Variants in ABTB3 observed in about 807,000 individuals in gnomAD.
The protein encoded by ABTB3 is ankyrin repeat and BTB domain containing 3.
chr12:107,654,815 TACACACACACACACACACACACACACAC>T, the ABTB3 span, among the ~76,000 whole-genome samples: 1 of 141,218 alleles, frequency 7.1e-6, no homozygotes, highest in Non-Finnish European at 1.5e-5. Context: ...CTACATTGTA[TACACACACACACACACACACACACACAC>T]ACACACACAC....
chr12:107,377,414 A>AGTGTGTGT, the ABTB3 span, among the ~76,000 whole-genome samples: 4,637 of 146,556 alleles, frequency 0.032, 108 homozygotes, highest in Middle Eastern at 0.11. Context: ...AGAGAGCAAG[A>AGTGTGTGT]GTGTGTGTGT....
the ABTB3 span, among the ~76,000 whole-genome samples, chr12:107,444,953 G>A: frequency 1.3e-5 from 2 of 152,116 alleles, no homozygotes; most frequent in South Asian, 2.1e-4. Context: ...TGTGATATGC[G>A]GCGGGGCCAG....
the ABTB3 span, among the ~76,000 whole-genome samples, chr12:107,420,785 C>A: frequency 2.3e-4 from 35 of 152,320 alleles, no homozygotes; most frequent in South Asian, 7.3e-3. Context: ...CCTTCAGAAG[C>A]TTTTCTGCAC....
At chr12:107,516,228 CT>C in the ABTB3 span, among the ~76,000 whole-genome samples, 41,979 of 148,410 alleles carry the variant, frequency 0.28, 6,448 homozygotes, top group African/African-American at 0.39. Context: ...ATCCATTATT[CT>C]TTTTTTTTTT....
chr12:107,420,867 C>T, the ABTB3 span, among the ~76,000 whole-genome samples: 3 of 152,196 alleles, frequency 2.0e-5, no homozygotes, highest in African/African-American at 7.2e-5. Flanking sequence ...CCCACTGCTT[C>T]CTTCTGTCTC....
At chr12:107,344,840 A>C in the ABTB3 span, among the ~76,000 whole-genome samples, 1 of 152,248 alleles carries the variant, frequency 6.6e-6, no homozygotes, top group Non-Finnish European at 1.5e-5. Flanking sequence ...ATATTTCTGT[A>C]GGTTTTAATA....
the ABTB3 span, among the ~76,000 whole-genome samples, chr12:107,433,254 C>T: frequency 5.6e-5 from 7 of 126,020 alleles, no homozygotes; most frequent in South Asian, 2.4e-4. Flanking sequence ...TGCGCCACTG[C>T]AGTCCGCAGT....
the ABTB3 span, among the ~76,000 whole-genome samples, chr12:107,343,102 C>A: frequency 1.8e-4 from 27 of 152,200 alleles, no homozygotes; most frequent in Non-Finnish European, 3.2e-4. Flanking sequence ...GCAGCCTCGA[C>A]CCCCCAGGCC....
chr12:107,610,236 A>G, the ABTB3 span: 4 of 1,614,058 alleles, frequency 2.5e-6, no homozygotes, highest in African/African-American at 5.3e-5. Context: ...TGCGGTGGCC[A>G]TCGAAGCCAA....
At chr12:107,376,690 G>A in the ABTB3 span, among the ~76,000 whole-genome samples, 1 of 152,270 alleles carries the variant, frequency 6.6e-6, no homozygotes, top group African/African-American at 2.4e-5. Context: ...CGAGAAACAA[G>A]TACTACTGCT....
At chr12:107,551,755 C>CTT in the ABTB3 span, among the ~76,000 whole-genome samples, 472 of 146,140 alleles carry the variant, frequency 3.2e-3, 6 homozygotes, top group East Asian at 0.041. Flanking sequence ...TTATAATCTT[C>CTT]TTTTTTTTTT....
chr12:107,390,565 G>A, the ABTB3 span, among the ~76,000 whole-genome samples: 1 of 152,206 alleles, frequency 6.6e-6, no homozygotes, highest in Non-Finnish European at 1.5e-5. Context: ...AGGAGGCAGT[G>A]TCAGTACTGG....
chr12:107,333,211 G>A, the ABTB3 span, among the ~76,000 whole-genome samples: 1 of 152,210 alleles, frequency 6.6e-6, no homozygotes, highest in Non-Finnish European at 1.5e-5. Context: ...CCTATGTTCT[G>A]GAGGAGGGTC....
At chr12:107,620,678 G>GC in the ABTB3 span, among the ~76,000 whole-genome samples, 4 of 152,084 alleles carry the variant, frequency 2.6e-5, no homozygotes, top group African/African-American at 9.7e-5. Flanking sequence ...GAAAAGCCAG[G>GC]CCCTGGGAGA....
the ABTB3 span, among the ~76,000 whole-genome samples, chr12:107,328,510 C>T: frequency 4.6e-5 from 7 of 152,176 alleles, no homozygotes; most frequent in Admixed American, 4.6e-4. Flanking sequence ...AATTGTATTA[C>T]GTGTCTGTCT....
the ABTB3 span, among the ~76,000 whole-genome samples, chr12:107,432,831 G>A: frequency 2.0e-5 from 3 of 152,130 alleles, no homozygotes; most frequent in South Asian, 2.1e-4. Context: ...AGCTCCCCCC[G>A]AGGTTCTAAG....
chr12:107,441,774 C>CAAAAAAAAAAAAAAAAAAAAAAAAAAAAA, the ABTB3 span, among the ~76,000 whole-genome samples: 29 of 80,038 alleles, frequency 3.6e-4, 3 homozygotes, highest in African/African-American at 1.6e-3. Context: ...CTTGTCTCTA[C>CAAAAAAAAAAAAAAAAAAAAAAAAAAAAA]AAAAAAAAAA....
At chr12:107,497,306 CCACCAT>C in the ABTB3 span, among the ~76,000 whole-genome samples, 2 of 151,286 alleles carry the variant, frequency 1.3e-5, no homozygotes, top group African/African-American at 4.9e-5. Context: ...ATCACTATCA[CCACCAT>C]CACCATCACC....
At chr12:107,318,747 G>T in the ABTB3 span, 1 of 633,014 alleles carries the variant, frequency 1.6e-6, no homozygotes, top group Non-Finnish European at 2.7e-6. Flanking sequence ...ATGACTCCAG[G>T]GTCTGCTCTG....
Sources: gnomAD v4.1 joint callset for allele counts (sites outside exome capture counted in the v4.1 genomes callset) on GRCh38, gnomAD v4.1.1 for gene constraint, MANE v1.5 for transcripts, NCBI Gene and HGNC (gene_info 2026-07-23, HGNC 2026-07-21) for gene names.